Variants in PPP4R2 observed in about 807,000 individuals in gnomAD.
The protein encoded by PPP4R2 is serine/threonine-protein phosphatase 4 regulatory subunit 2.
PPP4R2 carries 13 observed loss-of-function variants against 47.2 expected under a neutral mutation model. That is an observed-to-expected ratio of 0.28 (90% CI 0.18 to 0.44). The LOEUF is 0.44. Among genes scored for constraint, PPP4R2 ranks in the 20% least tolerant of loss-of-function variants. The pLI, the probability that PPP4R2 is intolerant of heterozygous loss-of-function variation, is 1.00. For synonymous variants in PPP4R2, 151 were observed against 163.3 expected (o/e 0.92, Z 0.57); for missense variants, 421 against 491.2 (o/e 0.86, Z 1.35).
chr3:73,052,072 T>A (rs1470202791), intron 3 of PPP4R2, among the ~76,000 whole-genome samples: 1 of 152,122 alleles, frequency 6.6e-6, no homozygotes, highest in Non-Finnish European at 1.5e-5. Context: ...AGTAGGTTCT[T>A]AAACAGACAA....
rs188455176 is a variant in PPP4R2 at position 73,020,047 on chromosome 3, G to T, written c.116+21889G>T. Among the ~76,000 whole-genome samples the T allele has an allele frequency of 8.5e-5, 13 of 152,222 alleles. No individual in the cohort carries two copies. The East Asian group carries it at 1.7e-3, about 20-fold the overall frequency. ...GATTTCTTCAAAATACAAATTTACT[G>T]TCTTAGCTTGGGATGCTATAACAAA... On this transcript the variant is annotated intron_variant, in intron 2 of 8. Transcript: ENST00000356692.
chr3:73,037,314 T>C lies in PPP4R2; in HGVS notation c.117-9872T>C, dbSNP rs1575866804. ...TTAGATTTCTCTTTCCCTCTTTCTT[T>C]AAAAAGATGTATATACATGTGCTAC... is the stretch of plus-strand genomic sequence containing the variant. On this transcript the variant is annotated intron_variant, in intron 2 of 8. Transcript: ENST00000356692. Among the ~76,000 whole-genome samples the C allele has an allele frequency of 2.6e-5, 4 of 152,346 alleles. No individual in the cohort carries two copies. The South Asian group carries it at 8.3e-4, about 32-fold the overall frequency.
At chr3:73,057,318 T>G (rs570328924) in intron 3 of PPP4R2, among the ~76,000 whole-genome samples, 1 of 152,250 alleles carries the variant, frequency 6.6e-6, no homozygotes, top group South Asian at 2.1e-4. Flanking sequence ...AGCTTATTGT[T>G]TCATACTTAG....
At chr3:73,037,770 G>A (rs907605509) in intron 2 of PPP4R2, among the ~76,000 whole-genome samples, 1 of 152,064 alleles carries the variant, frequency 6.6e-6, no homozygotes, top group African/African-American at 2.4e-5. Context: ...TCCTTGTTGA[G>A]CCCTAAACCT....
At chr3:73,061,862 CCAGT>C (rs1208395423) in intron 5 of PPP4R2, 4 of 461,830 alleles carry the variant, frequency 8.7e-6, no homozygotes, top group Non-Finnish European at 1.6e-5. Flanking sequence ...CACACCCAGC[CCAGT>C]CAATTTGTTT....
At chr3:73,014,559 A>G (rs1363547213) in intron 2 of PPP4R2, among the ~76,000 whole-genome samples, 1 of 152,026 alleles carries the variant, frequency 6.6e-6, no homozygotes, top group Admixed American at 6.6e-5. Flanking sequence ...TGGCCTCCCA[A>G]AGTGCTGGGA....
Position 73,005,012 on chromosome 3 carries a change from G to T in PPP4R2, c.116+6854G>T, listed in dbSNP as rs972443730. Among the ~76,000 whole-genome samples the T allele has an allele frequency of 2.7e-5, 4 of 147,282 alleles. No homozygotes were observed. In the South Asian group the frequency reaches 9.3e-4, roughly 34 times the overall value. ...GTGTTTTGAGTCGGAGTCTTGCTCT[G>T]TTGCCCAAGCTGGAGTGCAGTGGCG... is the stretch of plus-strand genomic sequence containing the variant. On this transcript the variant is annotated intron_variant, in intron 2 of 8. Coordinates refer to ENST00000356692, the MANE Select transcript of PPP4R2 (RefSeq NM_174907.4).
At chr3:73,005,883 T>C (rs1228542187) in intron 2 of PPP4R2, among the ~76,000 whole-genome samples, 3 of 148,994 alleles carry the variant, frequency 2.0e-5, no homozygotes, top group Non-Finnish European at 3.0e-5. Flanking sequence ...TACAATACAC[T>C]GTATTTATTC....
In PPP4R2 at chr3:73,040,890, CTGTT is replaced by C. The variant is rs1281719860; in HGVS notation, c.117-6292_117-6289del. On this transcript the variant is annotated intron_variant, in intron 2 of 8. Transcript: ENST00000356692. ...CAGTTAAAAATCTTGCCCTCAAAGA[CTGTT>C]TGTCCCATGCAAATACCCGTAGTGA... 8.5e-5 allele frequency among the ~76,000 whole-genome samples: 13 copies of C among 152,210 alleles called. No individual in the cohort carries two copies. In the East Asian group the frequency reaches 1.2e-3, roughly 14 times the overall value.
chr3:73,064,227 TTA>T, intron 7 of PPP4R2, 81 bp downstream of exon 7: 1 of 1,230,282 alleles, frequency 8.1e-7, no homozygotes, highest in South Asian at 1.5e-5. Context: ...CACTTACTAT[TTA>T]TAAGTTCTGA....
intron 2 of PPP4R2, among the ~76,000 whole-genome samples, chr3:73,006,681 A>C (rs9837356): frequency 0.39 from 58,521 of 151,924 alleles, 11,688 homozygotes; most frequent in African/African-American, 0.44. Context: ...CTGTTGGGTC[A>C]CTTTCAAGAG....
At position 73,066,547 on chromosome 3, in the gene PPP4R2, T is replaced by C. The variant is rs1703000746; in HGVS notation, c.*825T>C. ...ATTATTTATGAGAAAATATGCTTTA[T>C]CTTGGAAATTGTGTTCAAATGTTAG... On this transcript the variant is annotated 3_prime_UTR_variant, in exon 9 of 9. Transcript: ENST00000356692. The C allele has an allele frequency of 6.6e-6, 1 of 152,068 alleles. No homozygotes were observed. The highest frequency in any genetic ancestry group is 2.1e-4 in the South Asian group (1 of 4,834). 9.4% of individuals were successfully genotyped at this position (152,068 alleles called of 1,614,324 possible).
At chr3:73,051,749 C>T (rs1272490704) in intron 3 of PPP4R2, among the ~76,000 whole-genome samples, 1 of 152,102 alleles carries the variant, frequency 6.6e-6, no homozygotes, top group Non-Finnish European at 1.5e-5. Flanking sequence ...CCTCAGCCTC[C>T]CCAGTAGCTG....
intron 2 of PPP4R2, among the ~76,000 whole-genome samples, chr3:73,025,700 A>T (rs533020417): frequency 2.0e-5 from 3 of 152,332 alleles, no homozygotes; most frequent in African/African-American, 4.8e-5. Flanking sequence ...TGGAGGAAGA[A>T]TTAGGATAGA....
rs34629247 is a variant in PPP4R2 at position 73,005,337 on chromosome 3, C to CT, written c.116+7194dup. Among the ~76,000 whole-genome samples, 410 of 128,162 alleles carry CT rather than the reference C, an allele frequency of 3.2e-3. 2 individuals carry two copies. Among genetic ancestry groups the CT allele is most frequent in the Admixed American group, 6.8e-3 (87 of 12,762 alleles). 84.1% of individuals were successfully genotyped at this position (128,162 alleles called of 152,430 possible). A position where few individuals can be genotyped will look rare whatever the true frequency, so the allele number is the denominator to read the frequency against. On this transcript the variant is annotated intron_variant, in intron 2 of 8. Coordinates refer to ENST00000356692, the MANE Select transcript of PPP4R2 (RefSeq NM_174907.4). Reference sequence around the variant, plus strand: ...ATTGTACTCAGGTATATGGTGTGGTCTTTTTTTTTTTTTTTATCCACTTAT... The same window carrying CT: ...ATTGTACTCAGGTATATGGTGTGGTCTTTTTTTTTTTTTTTTATCCACTTAT...
chr3:73,012,445 G>A (rs375628123), intron 2 of PPP4R2, among the ~76,000 whole-genome samples: 7 of 152,010 alleles, frequency 4.6e-5, no homozygotes, highest in Non-Finnish European at 1.0e-4. Context: ...GACTACGAGC[G>A]CCTGCCACCA....
At chr3:73,002,885 A>G (rs1320864088) in intron 2 of PPP4R2, among the ~76,000 whole-genome samples, 4 of 151,696 alleles carry the variant, frequency 2.6e-5, no homozygotes. Context: ...CTCGTGATCC[A>G]TCCACCTTGG....
chr3:73,024,950 C>T (rs1422213251), intron 2 of PPP4R2, among the ~76,000 whole-genome samples: 1 of 152,084 alleles, frequency 6.6e-6, no homozygotes. Flanking sequence ...GGATGGAGCC[C>T]AGGGACCTCA....
Position 73,019,303 on chromosome 3 carries a change from G to A in PPP4R2, c.116+21145G>A, listed in dbSNP as rs556754675. 3.3e-5 allele frequency among the ~76,000 whole-genome samples: 5 copies of A among 152,156 alleles called. No individual in the cohort carries two copies. In the South Asian group the frequency reaches 1.0e-3, roughly 32 times the overall value. On this transcript the variant is annotated intron_variant, in intron 2 of 8. Transcript: ENST00000356692. The stretch of plus-strand genomic sequence containing the variant: ...GACACATTTCTCAGAACATACCCTC[G>A]TCATTAAAAGATACATCACTGTAGA...
Sources: gnomAD v4.1 joint callset for allele counts (sites outside exome capture counted in the v4.1 genomes callset) on GRCh38, gnomAD v4.1.1 for gene constraint, MANE v1.5 for transcripts, NCBI Gene and HGNC (gene_info 2026-07-23, HGNC 2026-07-21) for gene names.